The following TAX1BP1 variants were observed in gnomAD, a reference collection of about 807,000 sequenced individuals.
TAX1BP1 encodes the protein tax1-binding protein 1.
In TAX1BP1, 62 loss-of-function variants were observed where a neutral mutation model predicts 97.7. That is an observed-to-expected ratio of 0.63 (90% CI 0.52 to 0.78). TAX1BP1 has a LOEUF of 0.78. Ranked by LOEUF, TAX1BP1 falls within the 30% of genes least tolerant of loss-of-function variation. The probability of loss-of-function intolerance (pLI) is 0.00; values close to 1 mark genes in which losing one functional copy is unlikely to be tolerated. For synonymous variants in TAX1BP1, 340 were observed against 304.2 expected, an observed-to-expected ratio of 1.12 and a Z score of -1.23; for missense variants, 867 against 916.1, an observed-to-expected ratio of 0.95 and a Z score of 0.69.
At chr7:27,792,684 G>A (rs1445975896) in intron 9 of TAX1BP1, among the ~76,000 whole-genome samples, 1 of 152,068 alleles carries the variant, frequency 6.6e-6, no homozygotes, top group Non-Finnish European at 1.5e-5. Context: ...AAAAGTGGCC[G>A]GGGACAGTTG....
chr7:27,799,725 CTT>C (rs937606842), intron 12 of TAX1BP1, among the ~76,000 whole-genome samples: 1 of 152,032 alleles, frequency 6.6e-6, no homozygotes, highest in South Asian at 2.1e-4. Flanking sequence ...ATTAATGTAT[CTT>C]AACATTTTTT....
chr7:27,769,410 A>G (rs1322475585), intron 4 of TAX1BP1, among the ~76,000 whole-genome samples: 3 of 151,986 alleles, frequency 2.0e-5, no homozygotes, highest in African/African-American at 7.2e-5. Flanking sequence ...GATCTCAAAA[A>G]TGATTAGCAG....
rs773254948 is a variant in TAX1BP1 at position 27,799,971 on chromosome 7, A to G, written c.1645A>G (p.Lys549Glu). ...NKCKQLLQDE[K>E]AKCNKYADEL... ...TTATACTAATTTCATTTAGGATGAG[A>G]AAGCAAAATGCAATAAATATGCTGA... The change falls in exon 13 of 17, where the codon AAA becomes GAA. Residue 549 changes from lysine (K) to glutamate (E), a missense_variant. By Grantham distance (56) the Lys-to-Glu change is moderately conservative. This residue lies in a region of TAX1BP1 where 822 missense variants were observed against 851.4 expected (regional missense o/e 0.97). Coordinates refer to ENST00000396319, the MANE Select transcript of TAX1BP1 (RefSeq NM_006024.7). 3 of 1,593,366 alleles carry G rather than the reference A, an allele frequency of 1.9e-6. No individual in the cohort carries two copies. The highest frequency in any genetic ancestry group is 2.6e-6 in the Non-Finnish European group (3 of 1,172,418).
chr7:27,814,729 C>A (rs1790697708), intron 13 of TAX1BP1, among the ~76,000 whole-genome samples: 1 of 143,326 alleles, frequency 7.0e-6, no homozygotes, highest in South Asian at 2.2e-4. Context: ...AAATTATTTA[C>A]ACTCATTTTT....
chr7:27,807,828 ATTTG>A (rs1186457987), intron 13 of TAX1BP1, among the ~76,000 whole-genome samples: 19 of 151,876 alleles, frequency 1.3e-4, no homozygotes, highest in African/African-American at 3.9e-4. Context: ...TTTCTCCCCA[ATTTG>A]TTTATTTATT....
intron 2 of TAX1BP1, among the ~76,000 whole-genome samples, chr7:27,750,478 A>T (rs1457468001): frequency 6.6e-6 from 1 of 152,198 alleles, no homozygotes; most frequent in Non-Finnish European, 1.5e-5. Context: ...GTATAAGCAG[A>T]GGCTTAGAGG....
intron 13 of TAX1BP1, among the ~76,000 whole-genome samples, chr7:27,812,796 T>G (rs1161976515): frequency 2.0e-5 from 3 of 152,222 alleles, no homozygotes; most frequent in African/African-American, 7.2e-5. Context: ...TCTATAAGTA[T>G]GGGTCTACTT....
chr7:27,742,746 G>A (rs1291144595), intron 1 of TAX1BP1, among the ~76,000 whole-genome samples: 1 of 152,148 alleles, frequency 6.6e-6, no homozygotes, highest in Admixed American at 6.5e-5. Flanking sequence ...GATTACAGGT[G>A]TGAGCCACCG....
At chr7:27,798,191 C>T (rs1446547225) in intron 12 of TAX1BP1, among the ~76,000 whole-genome samples, 1 of 151,908 alleles carries the variant, frequency 6.6e-6, no homozygotes, top group Non-Finnish European at 1.5e-5. Flanking sequence ...TTTATTTTAT[C>T]ATTTGTTTAT....
At position 27,793,825 on chromosome 7, in the gene TAX1BP1, A is replaced by G. The variant is rs73684056; in HGVS notation, c.1411-498A>G. On this transcript the variant is annotated intron_variant, in intron 10 of 16. Coordinates refer to ENST00000396319, the MANE Select transcript of TAX1BP1 (RefSeq NM_006024.7). Reference sequence around the variant, plus strand: ...TCTGAGGAACTCCTGGAAATGTAGAAGAAACATATTTAAAACCTGAAATTG... The same window carrying G: ...TCTGAGGAACTCCTGGAAATGTAGAGGAAACATATTTAAAACCTGAAATTG... Among the ~76,000 whole-genome samples the G allele has an allele frequency of 3.4e-3, 519 of 152,340 alleles. 1 individual carries two copies. Among genetic ancestry groups the G allele is most frequent in the African/African-American group, 0.011 (458 of 41,590 alleles).
chr7:27,803,150 T>C, intron 13 of TAX1BP1: 3 of 1,548,324 alleles, frequency 1.9e-6, no homozygotes, highest in Non-Finnish European at 2.6e-6. Flanking sequence ...GTGGTCTGAT[T>C]TCACATTTGG....
At chr7:27,748,739 T>G in intron 2 of TAX1BP1, 53 bp downstream of exon 2, 1 of 1,354,154 alleles carries the variant, frequency 7.4e-7, no homozygotes, top group Non-Finnish European at 9.8e-7. Context: ...AATTTTCTTT[T>G]AAAACAGATT....
At chr7:27,818,455 A>G (rs1790860064) in intron 15 of TAX1BP1, among the ~76,000 whole-genome samples, 1 of 152,230 alleles carries the variant, frequency 6.6e-6, no homozygotes, top group Non-Finnish European at 1.5e-5. Flanking sequence ...TAGTAAGAAT[A>G]TGGAAAGCAA....
At chr7:27,811,489 T>A (rs1288615032) in intron 13 of TAX1BP1, among the ~76,000 whole-genome samples, 1 of 152,156 alleles carries the variant, frequency 6.6e-6, no homozygotes, top group Non-Finnish European at 1.5e-5. Flanking sequence ...CACAGTCTCA[T>A]CTCTACCCCC....
At chr7:27,777,004 A>T (rs1789058052) in intron 5 of TAX1BP1, among the ~76,000 whole-genome samples, 1 of 151,348 alleles carries the variant, frequency 6.6e-6, no homozygotes, top group Non-Finnish European at 1.5e-5. Context: ...AGTCTTTTTC[A>T]TGTCTTTCAT....
At chr7:27,825,679 C>T (rs112959583) in intron 15 of TAX1BP1, among the ~76,000 whole-genome samples, 3 of 152,148 alleles carry the variant, frequency 2.0e-5, no homozygotes, top group African/African-American at 4.8e-5. Context: ...AGGTATTTAA[C>T]GAGCAGGGTT....
intron 5 of TAX1BP1, among the ~76,000 whole-genome samples, chr7:27,784,268 T>G (rs1185441532): frequency 6.6e-6 from 1 of 152,170 alleles, no homozygotes; most frequent in Non-Finnish European, 1.5e-5. Flanking sequence ...TTTATCTTAA[T>G]TTACCAATTC....
intron 15 of TAX1BP1, among the ~76,000 whole-genome samples, chr7:27,820,456 G>A (rs1203827551): frequency 1.3e-5 from 2 of 152,070 alleles, no homozygotes; most frequent in African/African-American, 4.8e-5. Flanking sequence ...TTATCATGTT[G>A]CACTGTTTGA....
rs370551887 is a variant in TAX1BP1 at position 27,816,366 on chromosome 7, A to G, written c.1782A>G (p.Leu594=). ...QDNYKELKRS[L]ENPAERKMEG... Reference sequence around the variant, plus strand: ...AATTTTAGGAACTTAAAAGGAGTCTAGAAAATCCAGCAGAAAGGAAAATGG... The same window carrying G: ...AATTTTAGGAACTTAAAAGGAGTCTGGAAAATCCAGCAGAAAGGAAAATGG... Residue 594 remains leucine (L), a synonymous_variant, in exon 14 of 17, where the codon CTA becomes CTG. Coordinates refer to ENST00000396319, the MANE Select transcript of TAX1BP1 (RefSeq NM_006024.7). The G allele has an allele frequency of 7.6e-6, 12 of 1,577,964 alleles. No individual in the cohort carries two copies. The highest frequency in any genetic ancestry group is 1.0e-5 in the Non-Finnish European group (12 of 1,169,760).
Sources: allele counts gnomAD v4.1 joint callset (sites outside exome capture counted in the v4.1 genomes callset), GRCh38; gene constraint gnomAD v4.1.1; regional missense constraint gnomAD v4.1.1; transcripts MANE v1.5; gene names NCBI Gene and HGNC (gene_info 2026-07-23, HGNC 2026-07-21).